The following PHF24 variants were observed in gnomAD, a reference collection of about 807,000 sequenced individuals.
The protein encoded by PHF24 is PHD finger protein 24.
In PHF24, 25 loss-of-function variants were observed where a neutral mutation model predicts 42.6. The ratio of observed to expected loss-of-function variants is 0.59; its 90% CI spans 0.43 to 0.82. PHF24 has a LOEUF of 0.82. Among genes scored for constraint, PHF24 ranks in the 40% least tolerant of loss-of-function variants. PHF24 has a pLI of 0.00. For missense variants in PHF24, 470 were observed against 538.1 expected, an observed-to-expected ratio of 0.87 and a Z score of 1.25; for synonymous variants, 185 against 204.8, an observed-to-expected ratio of 0.90 and a Z score of 0.83.
chr9:34,680,014 C>A, the PHF24 span, among the ~76,000 whole-genome samples: 1 of 152,172 alleles, frequency 6.6e-6, no homozygotes, highest in Non-Finnish European at 1.5e-5. Context: ...CTCACAGGAG[C>A]TGTGAGATAA....
the PHF24 span, among the ~76,000 whole-genome samples, chr9:34,930,577 A>T: frequency 6.6e-6 from 1 of 152,204 alleles, no homozygotes. Context: ...CACAAAGATC[A>T]GGGACATTTA....
the PHF24 span, among the ~76,000 whole-genome samples, chr9:34,911,017 T>G: frequency 6.6e-6 from 1 of 152,050 alleles, no homozygotes; most frequent in African/African-American, 2.4e-5. Context: ...AAAGACGAGA[T>G]CTCATTATGT....
chr9:34,731,264 G>A, the PHF24 span, among the ~76,000 whole-genome samples: 4 of 152,038 alleles, frequency 2.6e-5, no homozygotes, highest in South Asian at 2.1e-4. Context: ...AGCATTTATC[G>A]CTTCTTTGTG....
At chr9:34,890,109 C>A in the PHF24 span, among the ~76,000 whole-genome samples, 1 of 152,176 alleles carries the variant, frequency 6.6e-6, no homozygotes, top group Non-Finnish European at 1.5e-5. Flanking sequence ...CTCAAGGCAA[C>A]CATCTTAGCT....
the PHF24 span, among the ~76,000 whole-genome samples, chr9:34,851,853 T>A: frequency 6.6e-6 from 1 of 152,254 alleles, no homozygotes; most frequent in Admixed American, 6.5e-5. Context: ...ATAATTTACA[T>A]CTTGTCTTTT....
chr9:34,729,731 C>G, the PHF24 span, among the ~76,000 whole-genome samples: 181 of 152,356 alleles, frequency 1.2e-3, 2 homozygotes, highest in Admixed American at 8.7e-3. Flanking sequence ...CCTCGGCTCT[C>G]TCCTTCACAA....
intron 1 of PHF24, among the ~76,000 whole-genome samples, chr9:34,962,243 G>A (rs1041492638): frequency 2.6e-5 from 4 of 152,108 alleles, no homozygotes; most frequent in Non-Finnish European, 5.9e-5. Flanking sequence ...GTGAAGACAC[G>A]TTTCCTTGCC....
At chr9:34,971,424 G>A in exon 2 of PHF24, 1 of 1,614,152 alleles carries the variant, frequency 6.2e-7, no homozygotes, top group Non-Finnish European at 8.5e-7. Context: ...AGCTGCCAGG[G>A]TCCCGCCGTG....
chr9:34,863,372 G>A, the PHF24 span, among the ~76,000 whole-genome samples: 1 of 151,922 alleles, frequency 6.6e-6, no homozygotes, highest in Non-Finnish European at 1.5e-5. Flanking sequence ...TCCCAGTGGT[G>A]GTGGCCACAG....
the PHF24 span, among the ~76,000 whole-genome samples, chr9:34,812,471 T>C: frequency 6.6e-6 from 1 of 152,224 alleles, no homozygotes; most frequent in Non-Finnish European, 1.5e-5. Flanking sequence ...TGAAATGTGG[T>C]ATGGAAACCA....
chr9:34,765,531 T>C, the PHF24 span, among the ~76,000 whole-genome samples: 15 of 150,128 alleles, frequency 1.0e-4, no homozygotes, highest in African/African-American at 3.7e-4. Flanking sequence ...ACCCCTGCCT[T>C]TTTTTGTTTT....
chr9:34,729,149 G>A, the PHF24 span: 1 of 1,100,298 alleles, frequency 9.1e-7, no homozygotes, highest in Non-Finnish European at 1.3e-6. Context: ...TAGTCTCTGA[G>A]AAGAAAAGTA....
At chr9:34,735,121 G>T in the PHF24 span, among the ~76,000 whole-genome samples, 1 of 146,188 alleles carries the variant, frequency 6.8e-6, no homozygotes, top group Admixed American at 7.1e-5. Flanking sequence ...TAGATGTCCA[G>T]CTTTCTTTTT....
chr9:34,812,443 G>A, the PHF24 span, among the ~76,000 whole-genome samples: 1 of 152,184 alleles, frequency 6.6e-6, no homozygotes, highest in South Asian at 2.1e-4. Flanking sequence ...ATATACTGAT[G>A]TGTATATTTA....
chr9:34,765,877 C>T, the PHF24 span, among the ~76,000 whole-genome samples: 25,195 of 151,132 alleles, frequency 0.17, 2,238 homozygotes, highest in Middle Eastern at 0.26. Context: ...CCTTCAGGAG[C>T]TCTTTTAGGG....
At chr9:34,677,387 C>CTGTTTTTTTTTTTTT in the PHF24 span, among the ~76,000 whole-genome samples, 3 of 110,946 alleles carry the variant, frequency 2.7e-5, no homozygotes, top group Non-Finnish European at 3.7e-5. Context: ...TCTTTGTAAA[C>CTGTTTTTTTTTTTTT]TGTTTTTTTT....
chr9:34,874,757 C>T, the PHF24 span, among the ~76,000 whole-genome samples: 3 of 152,038 alleles, frequency 2.0e-5, no homozygotes, highest in Non-Finnish European at 2.9e-5. Flanking sequence ...TAGTAGTGTC[C>T]GTTTTCACTA....
chr9:34,799,631 A>C, the PHF24 span, among the ~76,000 whole-genome samples: 14 of 152,162 alleles, frequency 9.2e-5, no homozygotes, highest in Non-Finnish European at 1.8e-4. Flanking sequence ...AGTCTAGAAG[A>C]TATCTTTTTC....
the PHF24 span, among the ~76,000 whole-genome samples, chr9:34,676,747 T>G: frequency 6.6e-6 from 1 of 152,160 alleles, no homozygotes; most frequent in African/African-American, 2.4e-5. Flanking sequence ...TGAGGAGGAC[T>G]CAGGAAGCTT....
Sources: allele counts gnomAD v4.1 joint callset (sites outside exome capture counted in the v4.1 genomes callset), GRCh38; gene constraint gnomAD v4.1.1; transcripts MANE v1.5; gene names NCBI Gene and HGNC (gene_info 2026-07-23, HGNC 2026-07-21).